Variants in CSMD3 observed in about 807,000 individuals in gnomAD.
CSMD3 encodes CUB and sushi domain-containing protein 3.
CSMD3 carries 177 observed loss-of-function variants against 435.2 expected under a neutral mutation model. That is an observed-to-expected ratio of 0.41 (90% CI 0.36 to 0.46). The LOEUF is 0.46. CSMD3 is among the 20% of genes least tolerant of loss of function. The probability of loss-of-function intolerance (pLI) is 0.34; values close to 1 mark genes in which losing one functional copy is unlikely to be tolerated. For synonymous variants in CSMD3, 1,656 were observed against 1,520.5 expected, an observed-to-expected ratio of 1.09 and a Z score of -2.07; for missense variants, 4,265 against 4,504.6, an observed-to-expected ratio of 0.95 and a Z score of 1.52.
chr8:112,370,082 A>AAGAAGAAGAAGAAGAAGT (rs1285510394), intron 38 of CSMD3, among the ~76,000 whole-genome samples: 1,551 of 102,616 alleles, frequency 0.015, 60 homozygotes, highest in African/African-American at 0.035. Flanking sequence ...GAAGAAGAAG[A>AAGAAGAAGAAGAAGAAGT]AGTAGTAGTA....
chr8:112,886,351 CT>C (rs573474800), intron 10 of CSMD3, among the ~76,000 whole-genome samples: 8 of 149,784 alleles, frequency 5.3e-5, no homozygotes, highest in Non-Finnish European at 1.0e-4. Flanking sequence ...CTGTCTTTTT[CT>C]TTTTTTTTCT....
chr8:112,892,925 G>A (rs896165640), intron 10 of CSMD3, among the ~76,000 whole-genome samples: 3 of 151,384 alleles, frequency 2.0e-5, no homozygotes, highest in Admixed American at 6.6e-5. Context: ...GCCCAGAATC[G>A]TAACTGGCAA....
chr8:112,597,082 G>A (rs1355591029), intron 22 of CSMD3, among the ~76,000 whole-genome samples: 2 of 152,032 alleles, frequency 1.3e-5, no homozygotes, highest in Non-Finnish European at 2.9e-5. Context: ...CCAGGAGCTG[G>A]TTTTTTGAAA....
At chr8:112,664,421 T>A (rs1216629707) in intron 17 of CSMD3, among the ~76,000 whole-genome samples, 1 of 152,072 alleles carries the variant, frequency 6.6e-6, no homozygotes, top group African/African-American at 2.4e-5. Context: ...TAATGATGAA[T>A]AACTAAGATG....
intron 1 of CSMD3, among the ~76,000 whole-genome samples, chr8:113,354,409 G>A (rs571347982): frequency 1.3e-4 from 20 of 152,252 alleles, no homozygotes; most frequent in African/African-American, 4.8e-4. Flanking sequence ...AAGAACGTTT[G>A]AGGTATATAA....
chr8:113,180,111 T>C (rs957129292), intron 3 of CSMD3, among the ~76,000 whole-genome samples: 2 of 151,926 alleles, frequency 1.3e-5, no homozygotes, highest in African/African-American at 4.8e-5. Context: ...CTAAGGGAAG[T>C]AAAATCAAGT....
At chr8:112,722,204 A>T (rs2076872977) in intron 13 of CSMD3, among the ~76,000 whole-genome samples, 1 of 152,032 alleles carries the variant, frequency 6.6e-6, no homozygotes, top group African/African-American at 2.4e-5. Context: ...GAAAAAAAAA[A>T]AAAGCAAGGG....
chr8:112,919,588 T>C (rs952382640), intron 10 of CSMD3, among the ~76,000 whole-genome samples: 1 of 151,804 alleles, frequency 6.6e-6, no homozygotes, highest in Non-Finnish European at 1.5e-5. Flanking sequence ...TTCACATCCA[T>C]TTTTGCTAAC....
At chr8:112,948,717 T>A (rs72682165) in intron 8 of CSMD3, among the ~76,000 whole-genome samples, 14 of 151,998 alleles carry the variant, frequency 9.2e-5, no homozygotes, top group African/African-American at 2.4e-5. Flanking sequence ...GCTTTTTTTT[T>A]AGAAAAAATA....
At chr8:112,737,192 G>T (rs190473131) in intron 13 of CSMD3, among the ~76,000 whole-genome samples, 1 of 151,976 alleles carries the variant, frequency 6.6e-6, no homozygotes, top group East Asian at 1.9e-4. Context: ...ATAGATAAAA[G>T]AATACAACAT....
intron 1 of CSMD3, chr8:113,376,952 T>C: frequency 3.6e-6 from 5 of 1,377,350 alleles, no homozygotes; most frequent in Non-Finnish European, 4.8e-6. Flanking sequence ...GTTCAGGAGG[T>C]GCCCAAACTA....
At chr8:112,309,490 T>C (rs1360664474) in intron 50 of CSMD3, among the ~76,000 whole-genome samples, 1 of 151,966 alleles carries the variant, frequency 6.6e-6, no homozygotes, top group Non-Finnish European at 1.5e-5. Flanking sequence ...ATTATGAAAT[T>C]TGACATCAAA....
chr8:113,096,564 T>C (rs914391882), intron 5 of CSMD3, among the ~76,000 whole-genome samples: 6 of 152,130 alleles, frequency 3.9e-5, no homozygotes, highest in Non-Finnish European at 7.4e-5. Flanking sequence ...TGACTTTTTT[T>C]TTAAGTAATA....
chr8:112,856,211 C>T (rs914279117), intron 11 of CSMD3, among the ~76,000 whole-genome samples: 1 of 151,786 alleles, frequency 6.6e-6, no homozygotes, highest in African/African-American at 2.4e-5. Flanking sequence ...CTTACAGAAG[C>T]TTGTGGAAGG....
intron 1 of CSMD3, among the ~76,000 whole-genome samples, chr8:113,363,606 G>A (rs1447753409): frequency 2.6e-5 from 4 of 152,068 alleles, no homozygotes; most frequent in East Asian, 1.9e-4. Flanking sequence ...TGGCTGCTTC[G>A]CCCCAATGCC....
At chr8:112,547,923 C>T (rs1220536977) in intron 27 of CSMD3, among the ~76,000 whole-genome samples, 9 of 151,968 alleles carry the variant, frequency 5.9e-5, no homozygotes, top group Admixed American at 4.6e-4. Context: ...AATGAATTAG[C>T]GGATGAACAT....
At chr8:113,305,887 T>G (rs2132622543) in intron 2 of CSMD3, among the ~76,000 whole-genome samples, 1 of 152,286 alleles carries the variant, frequency 6.6e-6, no homozygotes, top group South Asian at 2.1e-4. Flanking sequence ...GGCAATGCAG[T>G]AAGTCTTTTG....
At chr8:113,037,591 T>C (rs1197652009) in intron 5 of CSMD3, among the ~76,000 whole-genome samples, 3 of 152,142 alleles carry the variant, frequency 2.0e-5, no homozygotes, top group African/African-American at 7.2e-5. Context: ...AATTTTATGA[T>C]GTAGTTACAA....
At position 113,039,127 on chromosome 8, in the gene CSMD3, G is replaced by A. The variant is rs899026035; in HGVS notation, c.918-19948C>T. Among the ~76,000 whole-genome samples the A allele has an allele frequency of 2.0e-5, 3 of 151,882 alleles. No individual in the cohort carries two copies. In the East Asian group the frequency reaches 5.8e-4, roughly 29 times the overall value. On this transcript the variant is annotated intron_variant, in intron 5 of 70. Transcript: ENST00000297405. The stretch of plus-strand genomic sequence containing the variant: ...TAAATATTGTAGTACAAAATCCATG[G>A]TATATAACTCTATAAATTTATTTGA...
Sources: gnomAD v4.1 joint callset for allele counts (sites outside exome capture counted in the v4.1 genomes callset) on GRCh38, gnomAD v4.1.1 for gene constraint, MANE v1.5 for transcripts, NCBI Gene and HGNC (gene_info 2026-07-23, HGNC 2026-07-21) for gene names.